TOPAZ1: variants seen among roughly 807,000 people sequenced by gnomAD.
TOPAZ1 encodes the protein protein TOPAZ1.
TOPAZ1 carries 66 observed loss-of-function variants against 172.2 expected under a neutral mutation model. The ratio of observed to expected loss-of-function variants is 0.38; its 90% CI spans 0.31 to 0.47. The LOEUF (loss-of-function observed/expected upper bound fraction) is 0.47, where lower values mean the gene tolerates loss of function less well. Among genes scored for constraint, TOPAZ1 ranks in the 20% least tolerant of loss-of-function variants. The probability of loss-of-function intolerance (pLI) is 0.99; values close to 1 mark genes in which losing one functional copy is unlikely to be tolerated. For synonymous variants in TOPAZ1, 681 were observed against 683.9 expected (o/e 1.00, Z 0.07); for missense variants, 1,822 against 1,972.4 (o/e 0.92, Z 1.44).
chr3:44,265,938 C>T (rs761854541), intron 5 of TOPAZ1, among the ~76,000 whole-genome samples: 17 of 152,198 alleles, frequency 1.1e-4, no homozygotes, highest in Non-Finnish European at 2.2e-4. Flanking sequence ...TATCTTCTTC[C>T]GGTATAAGGC....
intron 12 of TOPAZ1, among the ~76,000 whole-genome samples, chr3:44,298,909 A>ATATATTT (rs1287571186): frequency 2.4e-5 from 1 of 41,320 alleles, no homozygotes; most frequent in African/African-American, 7.7e-5. Context: ...ATATATATAT[A>ATATATTT]TTTTTTTTTT....
chr3:44,262,481 A>G lies in TOPAZ1; in HGVS notation c.3018A>G (p.Lys1006=). The change falls in exon 5 of 20, where the codon AAA becomes AAG. Residue 1006 remains lysine (K), a splice_region_variant and synonymous_variant. Coordinates refer to ENST00000309765, the MANE Select transcript of TOPAZ1 (RefSeq NM_001145030.2). ...AAGAAAATATTTATGAAGTTTGCAA[A>G]AGGTCTGTAACATAATTCTTAATTA... ...EEKENIYEVC[K]SKDSRNADFM... 7.1e-7 allele frequency: 1 copy of G among 1,406,688 alleles called. No homozygotes were observed. The highest frequency in any genetic ancestry group is 9.8e-7 in the Non-Finnish European group (1 of 1,022,798). 87.1% of individuals were successfully genotyped at this position (1,406,688 alleles called of 1,614,324 possible). A position where few individuals can be genotyped will look rare whatever the true frequency, so the allele number is the denominator to read the frequency against.
intron 12 of TOPAZ1, among the ~76,000 whole-genome samples, chr3:44,303,174 A>C (rs1002691536): frequency 3.9e-5 from 6 of 152,210 alleles, no homozygotes; most frequent in Non-Finnish European, 7.3e-5. Flanking sequence ...GCTTCATAAA[A>C]GGAGTTAGAA....
At chr3:44,257,658 T>C (rs562766370) in intron 4 of TOPAZ1, among the ~76,000 whole-genome samples, 1 of 151,860 alleles carries the variant, frequency 6.6e-6, no homozygotes, top group Non-Finnish European at 1.5e-5. Flanking sequence ...TATTTTGAAA[T>C]AGAGATTCAC....
intron 12 of TOPAZ1, among the ~76,000 whole-genome samples, chr3:44,302,087 T>A (rs2125698668): frequency 6.6e-6 from 1 of 152,292 alleles, no homozygotes; most frequent in Non-Finnish European, 1.5e-5. Context: ...TTCCAAATGA[T>A]TATACAACTT....
intron 10 of TOPAZ1, 79 bp downstream of exon 10, chr3:44,287,619 T>C: frequency 1.7e-6 from 2 of 1,158,960 alleles, no homozygotes; most frequent in East Asian, 5.7e-5. Context: ...AACTTAGCAG[T>C]TGAATTTCTG....
intron 7 of TOPAZ1, 94 bp downstream of exon 7, chr3:44,269,395 C>A: frequency 3.1e-6 from 2 of 649,408 alleles, no homozygotes; most frequent in Non-Finnish European, 5.4e-6. Context: ...TCCTCCACTC[C>A]CTCTTTTATC....
At chr3:44,267,244 G>A in intron 6 of TOPAZ1, 108 bp downstream of exon 6, 1 of 765,288 alleles carries the variant, frequency 1.3e-6, no homozygotes, top group East Asian at 3.5e-5. Flanking sequence ...ATGGAATCAT[G>A]TAGAATATGT....
chr3:44,300,648 G>A (rs1306027402), intron 12 of TOPAZ1, among the ~76,000 whole-genome samples: 2 of 151,896 alleles, frequency 1.3e-5, no homozygotes, highest in African/African-American at 4.8e-5. Flanking sequence ...GGATAAACTG[G>A]ATCATATGCT....
At position 44,243,301 on chromosome 3, in the gene TOPAZ1, T is replaced by G; in HGVS notation, c.795T>G (p.Leu265=). 1 of 1,551,424 alleles carries G rather than the reference T, an allele frequency of 6.4e-7. No individual in the cohort carries two copies. Among genetic ancestry groups the G allele is most frequent in the East Asian group, 2.4e-5 (1 of 40,894 alleles). Residue 265 remains leucine, a synonymous_variant, in exon 2 of 20, where the codon CTT becomes CTG. Coordinates refer to ENST00000309765, the MANE Select transcript of TOPAZ1 (RefSeq NM_001145030.2). ...AAAATTTCTCAAAGAAAGAAAACCT[T>G]AGGAGTCTTGCAGAGAAGAGTGACA... ...VAENFSKKEN[L]RSLAEKSDTN... is the part of the protein sequence containing the mutation.
intron 19 of TOPAZ1, among the ~76,000 whole-genome samples, chr3:44,329,171 A>G (rs902337256): frequency 6.6e-6 from 1 of 152,200 alleles, no homozygotes; most frequent in Non-Finnish European, 1.5e-5. Context: ...TTATCCCTGG[A>G]CCTAATGGCT....
Position 44,305,324 on chromosome 3 carries a change from A to G in TOPAZ1, c.4039+3A>G. On this transcript the variant is annotated splice_donor_region_variant and intron_variant, in intron 14 of 19. Coordinates refer to ENST00000309765, the MANE Select transcript of TOPAZ1 (RefSeq NM_001145030.2). Reference sequence around the variant, plus strand: ...CTTTTGTGAATTTGCTGAAACAGGTAAAATGTAACTATTGGCCTGAATATT... The same window carrying G: ...CTTTTGTGAATTTGCTGAAACAGGTGAAATGTAACTATTGGCCTGAATATT... 3 of 1,533,154 alleles carry G rather than the reference A, an allele frequency of 2.0e-6. No individual in the cohort carries two copies. Among genetic ancestry groups the G allele is most frequent in the Non-Finnish European group, 2.6e-6 (3 of 1,141,790 alleles). The allele number at this position is 1,533,154 out of a possible 1,614,324, so 95.0% of individuals were successfully genotyped here.
chr3:44,254,111 C>T (rs1362868471), intron 2 of TOPAZ1, among the ~76,000 whole-genome samples: 1 of 152,144 alleles, frequency 6.6e-6, no homozygotes, highest in Admixed American at 6.5e-5. Flanking sequence ...AGGTGGTATT[C>T]TCATTTTACA....
intron 16 of TOPAZ1, among the ~76,000 whole-genome samples, chr3:44,310,449 A>T (rs2125701522): frequency 1.3e-5 from 2 of 152,280 alleles, no homozygotes; most frequent in Admixed American, 1.3e-4. Context: ...CAGTGAGCCG[A>T]GATCGCGCAA....
At chr3:44,242,758 A>T in intron 1 of TOPAZ1, 95 bp from the exon 2 acceptor site, 1 of 1,041,380 alleles carries the variant, frequency 9.6e-7, no homozygotes, top group South Asian at 1.9e-5. Flanking sequence ...TCAGGGAAAT[A>T]AAAATGATAG....
chr3:44,258,417 G>A (rs1272760336), intron 4 of TOPAZ1, among the ~76,000 whole-genome samples: 1 of 152,126 alleles, frequency 6.6e-6, no homozygotes, highest in Non-Finnish European at 1.5e-5. Context: ...GATCCCTCAT[G>A]TTGCCCTTTG....
chr3:44,253,879 C>G (rs1050672032), intron 2 of TOPAZ1, among the ~76,000 whole-genome samples: 2 of 152,174 alleles, frequency 1.3e-5, no homozygotes, highest in Admixed American at 6.5e-5. Flanking sequence ...GAAGGATATG[C>G]TTATCCACTT....
chr3:44,287,867 C>A, intron 11 of TOPAZ1, 28 bp downstream of exon 11: 1 of 1,121,900 alleles, frequency 8.9e-7, no homozygotes. Flanking sequence ...CTTTTATTCT[C>A]TGATGGCGAG....
At position 44,270,457 on chromosome 3, in the gene TOPAZ1, C is replaced by T. The variant is rs148039795; in HGVS notation, c.3247-228C>T. Among the ~76,000 whole-genome samples, 314 of 152,142 alleles carry T rather than the reference C, an allele frequency of 2.1e-3. 1 individual carries two copies. The highest frequency in any genetic ancestry group is 6.4e-3 in the African/African-American group (266 of 41,532). On this transcript the variant is annotated intron_variant, in intron 7 of 19. Transcript: ENST00000309765. Reference sequence around the variant, plus strand: ...AATAACCTTGATGGAATATTTTACACAAAGATAAATTTTTTAAAATCCAGA... The same window carrying T: ...AATAACCTTGATGGAATATTTTACATAAAGATAAATTTTTTAAAATCCAGA...
Sources: gnomAD v4.1 joint callset for allele counts (sites outside exome capture counted in the v4.1 genomes callset) on GRCh38, gnomAD v4.1.1 for gene constraint, MANE v1.5 for transcripts, NCBI Gene and HGNC (gene_info 2026-07-23, HGNC 2026-07-21) for gene names.